The following C3orf70 variants were observed in gnomAD, a reference collection of about 807,000 sequenced individuals.
C3orf70 encodes UPF0524 protein C3orf70.
C3orf70 carries 15 observed loss-of-function variants against 20.7 expected under a neutral mutation model. That is an observed-to-expected ratio of 0.72 (90% confidence interval 0.48 to 1.11). The LOEUF (loss-of-function observed/expected upper bound fraction) is 1.11, where lower values mean the gene tolerates loss of function less well. Ranked by LOEUF, C3orf70 falls within the 50% of genes most tolerant of loss-of-function variation. The pLI, the probability that C3orf70 is intolerant of heterozygous loss-of-function variation, is 0.00. For synonymous variants in C3orf70, 161 were observed against 125.7 expected (o/e 1.28, Z -1.88); for missense variants, 332 against 317.6 (o/e 1.05, Z -0.34).
chr3:185,149,409 A>C (rs957668897), intron 1 of C3orf70, among the ~76,000 whole-genome samples: 6 of 151,888 alleles, frequency 4.0e-5, no homozygotes, highest in African/African-American at 1.5e-4. Flanking sequence ...AAAAAAAAAA[A>C]AAACAGTAAA....
At chr3:185,119,375 G>A (rs904694436) in intron 1 of C3orf70, among the ~76,000 whole-genome samples, 16 of 152,090 alleles carry the variant, frequency 1.1e-4, no homozygotes, top group African/African-American at 3.4e-4. Flanking sequence ...AAGAGAAGCC[G>A]GGCGCGGTGG....
At chr3:185,092,253 ATTC>A (rs759629397) in intron 1 of C3orf70, among the ~76,000 whole-genome samples, 1 of 152,060 alleles carries the variant, frequency 6.6e-6, no homozygotes. Context: ...ACATTCTGTT[ATTC>A]TTGCTGCTTA....
intron 1 of C3orf70, among the ~76,000 whole-genome samples, chr3:185,117,252 C>T (rs1201877805): frequency 1.3e-5 from 2 of 151,968 alleles, no homozygotes; most frequent in East Asian, 1.9e-4. Flanking sequence ...CTACTGAAAA[C>T]ATCAGTTAGT....
intron 1 of C3orf70, among the ~76,000 whole-genome samples, chr3:185,089,841 G>A (rs1577318095): frequency 6.6e-6 from 1 of 152,034 alleles, no homozygotes; most frequent in Non-Finnish European, 1.5e-5. Context: ...GTTTTTCAAA[G>A]GCCAATCAAA....
rs1001397095 is a variant in C3orf70, at chr3:185,080,658, T to G, written c.*2349A>C. The G allele has an allele frequency of 5.3e-5, 8 of 152,338 alleles. No individual in the cohort carries two copies. In the East Asian group the frequency reaches 1.5e-3, roughly 29 times the overall value. The allele number at this position is 152,338 out of a possible 1,614,324, so 9.4% of individuals were successfully genotyped here. A position where few individuals can be genotyped will look rare whatever the true frequency, so the allele number is the denominator to read the frequency against. ...GCACTGCTGTGGCCTGACACACGGC[T>G]TGCAGGCATTTGGCTTCCACACCTG... is the stretch of plus-strand genomic sequence containing the variant. On this transcript the variant is annotated 3_prime_UTR_variant, in exon 2 of 2. Coordinates refer to ENST00000335012, the MANE Select transcript of C3orf70 (RefSeq NM_001025266.3).
At chr3:185,106,396 C>T (rs1364789697) in intron 1 of C3orf70, among the ~76,000 whole-genome samples, 1 of 152,154 alleles carries the variant, frequency 6.6e-6, no homozygotes, top group African/African-American at 2.4e-5. Context: ...GGAAATACTC[C>T]ATTTCCTGGA....
At chr3:185,110,004 G>A (rs1577325156) in intron 1 of C3orf70, among the ~76,000 whole-genome samples, 1 of 152,140 alleles carries the variant, frequency 6.6e-6, no homozygotes, top group South Asian at 2.1e-4. Flanking sequence ...GCATGCCACG[G>A]CCACACTATG....
chr3:185,114,383 AT>A lies in C3orf70; in HGVS notation c.197-30821del, dbSNP rs554646944. Among the ~76,000 whole-genome samples the A allele has an allele frequency of 3.5e-3, 528 of 152,242 alleles. 3 individuals carry two copies. The highest frequency in any genetic ancestry group is 0.016 in the South Asian group (75 of 4,822). On this transcript the variant is annotated intron_variant, in intron 1 of 1. Coordinates refer to ENST00000335012, the MANE Select transcript of C3orf70 (RefSeq NM_001025266.3). ...TTGGAAATATCCAAGAATTAACAGC[AT>A]TTTTCCAGATAGTCTCTATCATGTA...
rs1715208193 is a variant in C3orf70 at position 185,077,092 on chromosome 3, G to A, written c.*5915C>T. Among the ~76,000 whole-genome samples, 1 of 152,120 alleles carries A rather than the reference G, an allele frequency of 6.6e-6. No homozygotes were observed. The highest frequency in any genetic ancestry group is 2.4e-5 in the African/African-American group (1 of 41,410). ...CATGGAAGAAGCAATGGCCTCATCA[G>A]AGCATAGAGATATTTGCAGAGACAT... On this transcript the variant is annotated 3_prime_UTR_variant, in exon 2 of 2. Transcript: ENST00000335012.
chr3:185,091,126 T>C (rs1715561290), intron 1 of C3orf70, among the ~76,000 whole-genome samples: 1 of 152,100 alleles, frequency 6.6e-6, no homozygotes, highest in Non-Finnish European at 1.5e-5. Context: ...TTCAGATAGA[T>C]ACAGAAGATA....
chr3:185,093,043 T>C lies in C3orf70; in HGVS notation c.197-9480A>G, dbSNP rs2108589470. Among the ~76,000 whole-genome samples, 2 of 151,844 alleles carry C rather than the reference T, an allele frequency of 1.3e-5. 1 individual carries two copies. The highest frequency in any genetic ancestry group is 4.2e-4 in the South Asian group (2 of 4,796). On this transcript the variant is annotated intron_variant, in intron 1 of 1. Transcript: ENST00000335012. ...TGTATAGTGCAGGTTGAGTATCCCT[T>C]ATCTGAAATGCCTGGGATCTGAAGT...
Position 185,082,975 on chromosome 3 carries a change from G to C in C3orf70, c.*32C>G. On this transcript the variant is annotated 3_prime_UTR_variant, in exon 2 of 2. Coordinates refer to ENST00000335012, the MANE Select transcript of C3orf70 (RefSeq NM_001025266.3). Reference sequence around the variant, plus strand: ...AGACAAAGGTACAAAAGCTCGGCGTGGGTCCGAGGCTGTGGCTTCCTGTCT... The same window carrying C: ...AGACAAAGGTACAAAAGCTCGGCGTCGGTCCGAGGCTGTGGCTTCCTGTCT... The C allele has an allele frequency of 1.3e-6, 2 of 1,584,288 alleles. No homozygotes were observed. The highest frequency in any genetic ancestry group is 1.7e-6 in the Non-Finnish European group (2 of 1,164,616).
intron 1 of C3orf70, among the ~76,000 whole-genome samples, chr3:185,091,912 CATATATAT>C (rs869291177): frequency 4.3e-3 from 155 of 35,804 alleles, no homozygotes; most frequent in East Asian, 8.5e-3. Context: ...CACACACATA[CATATATAT>C]ATATATATAT....
At chr3:185,107,823 A>G (rs1447309151) in intron 1 of C3orf70, among the ~76,000 whole-genome samples, 1 of 152,208 alleles carries the variant, frequency 6.6e-6, no homozygotes, top group East Asian at 1.9e-4. Flanking sequence ...ATTCCAAAAA[A>G]TTGGCCTTTA....
chr3:185,136,642 T>C (rs903912913), intron 1 of C3orf70, among the ~76,000 whole-genome samples: 17 of 152,160 alleles, frequency 1.1e-4, no homozygotes, highest in Admixed American at 6.5e-4. Flanking sequence ...GAGAATGGCG[T>C]GAACCCGGGA....
intron 1 of C3orf70, among the ~76,000 whole-genome samples, chr3:185,133,242 C>T (rs1716557675): frequency 6.6e-6 from 1 of 152,024 alleles, no homozygotes; most frequent in Non-Finnish European, 1.5e-5. Context: ...ATGGTACAAC[C>T]CATATGAAAC....
At chr3:185,145,317 A>C (rs1404630601) in intron 1 of C3orf70, among the ~76,000 whole-genome samples, 1 of 152,378 alleles carries the variant, frequency 6.6e-6, no homozygotes, top group East Asian at 1.9e-4. Context: ...GGAAGCCAGT[A>C]ATAATTAATG....
chr3:185,122,086 G>A (rs1323804491), intron 1 of C3orf70, among the ~76,000 whole-genome samples: 7 of 139,240 alleles, frequency 5.0e-5, no homozygotes, highest in African/African-American at 1.4e-4. Context: ...GTGACAGAGC[G>A]AGACTCCGTC....
chr3:185,116,906 G>C (rs1716186813), intron 1 of C3orf70, among the ~76,000 whole-genome samples: 2 of 151,620 alleles, frequency 1.3e-5, no homozygotes, highest in Non-Finnish European at 2.9e-5. Context: ...AGCCTCCCAA[G>C]TAGCTGGGAC....
Sources: gnomAD v4.1 joint callset for allele counts (sites outside exome capture counted in the v4.1 genomes callset) on GRCh38, gnomAD v4.1.1 for gene constraint, MANE v1.5 for transcripts, NCBI Gene and HGNC (gene_info 2026-07-23, HGNC 2026-07-21) for gene names.